The following SMYD3 variants were observed in gnomAD, a reference collection of about 807,000 sequenced individuals.
SMYD3 encodes histone-lysine N-methyltransferase SMYD3.
Under a neutral mutation model 57.7 loss-of-function variants are expected in SMYD3, and 36 were observed. The observed-to-expected ratio is 0.62, with a 90% CI of 0.48 to 0.82. The LOEUF (loss-of-function observed/expected upper bound fraction) is 0.82. Among genes scored for constraint, SMYD3 ranks in the 40% least tolerant of loss-of-function variants. The pLI, the probability that SMYD3 is intolerant of heterozygous loss-of-function variation, is 0.00. For synonymous variants in SMYD3, 211 were observed against 195.0 expected, an observed-to-expected ratio of 1.08 and a Z score of -0.68; for missense variants, 515 against 538.8, an observed-to-expected ratio of 0.96 and a Z score of 0.44.
chr1:246,047,007 T>C (rs930553751), intron 5 of SMYD3, among the ~76,000 whole-genome samples: 5 of 152,126 alleles, frequency 3.3e-5, no homozygotes, highest in African/African-American at 4.8e-5. Context: ...TAAAATACCA[T>C]ATGAACAAAA....
At chr1:245,842,277 G>C (rs1033468248) in intron 10 of SMYD3, among the ~76,000 whole-genome samples, 4 of 152,192 alleles carry the variant, frequency 2.6e-5, no homozygotes, top group African/African-American at 9.7e-5. Flanking sequence ...CTACTAAATC[G>C]TCATGGGTAA....
intron 5 of SMYD3, among the ~76,000 whole-genome samples, chr1:246,296,524 T>A (rs2064798547): frequency 6.6e-6 from 1 of 152,112 alleles, no homozygotes; most frequent in Non-Finnish European, 1.5e-5. Flanking sequence ...TAACATTATA[T>A]ACTTTTTAGA....
intron 5 of SMYD3, among the ~76,000 whole-genome samples, chr1:246,001,071 G>C (rs951839464): frequency 2.0e-5 from 3 of 152,180 alleles, no homozygotes; most frequent in Non-Finnish European, 2.9e-5. Context: ...TGAGGCCGCT[G>C]TCCTGCGCCC....
chr1:245,996,314 T>TC (rs1283438915), intron 5 of SMYD3, among the ~76,000 whole-genome samples: 1 of 152,158 alleles, frequency 6.6e-6, no homozygotes, highest in African/African-American at 2.4e-5. Context: ...GCTCATAACT[T>TC]CCCTAGACTC....
At chr1:246,059,829 A>C (rs2060220365) in intron 5 of SMYD3, among the ~76,000 whole-genome samples, 1 of 152,222 alleles carries the variant, frequency 6.6e-6, no homozygotes, top group African/African-American at 2.4e-5. Flanking sequence ...AATCACTCAC[A>C]GTATTTGTTA....
chr1:246,144,893 C>G (rs112431443), intron 5 of SMYD3, among the ~76,000 whole-genome samples: 2 of 152,190 alleles, frequency 1.3e-5, no homozygotes, highest in Non-Finnish European at 2.9e-5. Context: ...TCAGGAAGCA[C>G]GAATCGGGTT....
rs59018021 is a variant in SMYD3 at position 245,791,952 on chromosome 1, T to TTGTGTGTGTGTGTGTGTGTGTG, written c.1077-27825_1077-27804dup. 2.4e-3 allele frequency among the ~76,000 whole-genome samples: 350 copies of TTGTGTGTGTGTGTGTGTGTGTG among 146,206 alleles called. 1 individual carries two copies. The highest frequency in any genetic ancestry group is 8.3e-3 in the African/African-American group (330 of 39,590). ...TGTTTTAAACATTCTAATTTTAAAC[T>TTGTGTGTGTGTGTGTGTGTGTG]TGTGTGTGTGTGTGTGTGTGTGTGT... On this transcript the variant is annotated intron_variant, in intron 10 of 11. Coordinates refer to ENST00000490107, the MANE Select transcript of SMYD3 (RefSeq NM_001167740.2).
intron 5 of SMYD3, among the ~76,000 whole-genome samples, chr1:246,303,600 G>A (rs183714473): frequency 1.3e-5 from 2 of 151,470 alleles, no homozygotes; most frequent in Admixed American, 6.6e-5. Flanking sequence ...TATTTTATTT[G>A]TGGTGATTGA....
chr1:246,461,698 C>T (rs995092498), intron 1 of SMYD3, among the ~76,000 whole-genome samples: 1 of 142,660 alleles, frequency 7.0e-6, no homozygotes, highest in African/African-American at 2.6e-5. Flanking sequence ...TGCGCCACTG[C>T]ACTCCAGCCT....
rs1276776803 is a variant in SMYD3, at chr1:246,330,492, C to A, written c.382G>T (p.Asp128Tyr). 22 of 1,588,264 alleles carry A rather than the reference C, an allele frequency of 1.4e-5. No homozygotes were observed. In the Admixed American group the frequency reaches 3.5e-4, roughly 26 times the overall value. ...GACAATCACTTACTTGACTCCAGAT[C>A]ATAAAATGAGTAAAGCTTCTCTGAT... ...SESEKLYSFY[D>Y]LESNINKLTE... Residue 128 changes from aspartate (D) to tyrosine (Y), a missense_variant, in exon 4 of 12, where the codon GAT becomes TAT. Physicochemically the swap from Asp to Tyr is radical, Grantham distance 160 (BLOSUM62 -3). Coordinates refer to ENST00000490107, the MANE Select transcript of SMYD3 (RefSeq NM_001167740.2).
At chr1:246,472,503 G>C (rs1263925385) in intron 1 of SMYD3, among the ~76,000 whole-genome samples, 1 of 152,168 alleles carries the variant, frequency 6.6e-6, no homozygotes, top group African/African-American at 2.4e-5. Context: ...AGCACTTTGG[G>C]AGGCCAAGAC....
intron 5 of SMYD3, among the ~76,000 whole-genome samples, chr1:246,173,574 A>AT (rs202193123): frequency 2.8e-4 from 43 of 152,090 alleles, no homozygotes; most frequent in African/African-American, 1.0e-3. Flanking sequence ...CTATTTTTAA[A>AT]TTTTTTTTAC....
At chr1:246,100,379 C>T (rs761427123) in intron 5 of SMYD3, among the ~76,000 whole-genome samples, 3 of 152,218 alleles carry the variant, frequency 2.0e-5, no homozygotes, top group Non-Finnish European at 4.4e-5. Context: ...GGCAGCATGA[C>T]GAGTCAGATG....
At chr1:245,893,794 T>C (rs141280259) in intron 8 of SMYD3, among the ~76,000 whole-genome samples, 5 of 152,122 alleles carry the variant, frequency 3.3e-5, no homozygotes, top group Non-Finnish European at 7.4e-5. Flanking sequence ...CAGACTGCAT[T>C]TATCCAAGTT....
At chr1:246,036,530 TC>T in intron 5 of SMYD3, among the ~76,000 whole-genome samples, 1 of 106,502 alleles carries the variant, frequency 9.4e-6, no homozygotes, top group African/African-American at 5.6e-5. Flanking sequence ...TCTGTACTCT[TC>T]TTTCTCTCTT....
chr1:245,919,522 GCTT>G lies in SMYD3; in HGVS notation c.703-3885_703-3883del, dbSNP rs919766760. On this transcript the variant is annotated intron_variant, in intron 7 of 11. Coordinates refer to ENST00000490107, the MANE Select transcript of SMYD3 (RefSeq NM_001167740.2). ...CTCAGAGAAAGCCACCCATTTTTGTGCTTCTTTTATGCCAATGAAGTCTGCAGA... is the reference window on the plus strand; with the variant it reads ...CTCAGAGAAAGCCACCCATTTTTGTGCTTTTATGCCAATGAAGTCTGCAGA... 2.4e-3 allele frequency among the ~76,000 whole-genome samples: 362 copies of G among 152,256 alleles called. 1 individual carries two copies. The highest frequency in any genetic ancestry group is 8.1e-3 in the African/African-American group (336 of 41,558).
intron 1 of SMYD3, among the ~76,000 whole-genome samples, chr1:246,478,948 T>C (rs563943182): frequency 1.3e-5 from 2 of 148,184 alleles, no homozygotes; most frequent in South Asian, 2.2e-4. Flanking sequence ...AGCTGGTACA[T>C]AAGTGCTCAT....
intron 5 of SMYD3, among the ~76,000 whole-genome samples, chr1:246,069,664 C>T (rs541221938): frequency 6.6e-6 from 1 of 152,202 alleles, no homozygotes; most frequent in Non-Finnish European, 1.5e-5. Context: ...GACATCACCT[C>T]GAGCTTTTCA....
chr1:246,466,857 A>G (rs2067889312), intron 1 of SMYD3, among the ~76,000 whole-genome samples: 1 of 151,974 alleles, frequency 6.6e-6, no homozygotes, highest in South Asian at 2.1e-4. Flanking sequence ...CAAAAAGAAT[A>G]ATAATTTTTA....
Sources: gnomAD v4.1 joint callset for allele counts (sites outside exome capture counted in the v4.1 genomes callset) on GRCh38, gnomAD v4.1.1 for gene constraint, MANE v1.5 for transcripts, NCBI Gene and HGNC (gene_info 2026-07-23, HGNC 2026-07-21) for gene names.